The following ADORA2B variants were observed in gnomAD, a reference collection of about 807,000 sequenced individuals.
The protein encoded by ADORA2B is adenosine A2b receptor, also known as adenosine receptor A2b.
Under a neutral mutation model 20.8 loss-of-function variants are expected in ADORA2B, and 18 were observed. The observed-to-expected ratio is 0.87, with a 90% CI of 0.60 to 1.29. The LOEUF is 1.29. ADORA2B is among the 50% of genes most tolerant of loss of function. The pLI is 0.00. For synonymous variants in ADORA2B, 179 were observed against 178.3 expected, an observed-to-expected ratio of 1.00 and a Z score of -0.03; for missense variants, 441 against 422.7, an observed-to-expected ratio of 1.04 and a Z score of -0.38.
At position 15,974,979 on chromosome 17, in the gene ADORA2B, G is replaced by A. The variant is rs1970234187; in HGVS notation, c.636G>A (p.Gln212=). 1 of 1,614,092 alleles carries A rather than the reference G, an allele frequency of 6.2e-7. No individual in the cohort carries two copies. The highest frequency in any genetic ancestry group is 1.3e-5 in the African/African-American group (1 of 74,938). Residue 212 remains glutamine (Q), a synonymous_variant, in exon 2 of 2, where the codon CAG becomes CAA. Transcript: ENST00000304222. The stretch of plus-strand genomic sequence containing the variant: ...AGATCTTCCTGGTGGCCTGCAGGCA[G>A]CTTCAGCGCACTGAGCTGATGGACC... ...YIKIFLVACR[Q]LQRTELMDHS... is the part of the protein sequence containing the mutation.
the ADORA2B span, among the ~76,000 whole-genome samples, chr17:15,927,779 A>T: frequency 6.6e-6 from 1 of 152,184 alleles, no homozygotes; most frequent in East Asian, 1.9e-4. Flanking sequence ...GAAGGAGAGG[A>T]ATCCGGGACG....
At chr17:15,960,350 C>T (rs113653430) in intron 1 of ADORA2B, among the ~76,000 whole-genome samples, 5 of 13,380 alleles carry the variant, frequency 3.7e-4, no homozygotes, top group Non-Finnish European at 3.0e-3. Context: ...GTCAGGAGAT[C>T]GAGACCATCC....
chr17:15,880,801 C>G, the ADORA2B span, among the ~76,000 whole-genome samples: 2 of 152,250 alleles, frequency 1.3e-5, no homozygotes, highest in South Asian at 2.1e-4. Context: ...CCAGGGTTCC[C>G]CTGGACAGAA....
chr17:15,922,685 A>G, the ADORA2B span, among the ~76,000 whole-genome samples: 6,020 of 152,302 alleles, frequency 0.04, 426 homozygotes, highest in African/African-American at 0.14. Flanking sequence ...GCATATGTAT[A>G]TGTTCATGTG....
intron 1 of ADORA2B, among the ~76,000 whole-genome samples, chr17:15,961,967 G>A (rs568913061): frequency 2.0e-5 from 3 of 152,188 alleles, no homozygotes; most frequent in African/African-American, 4.8e-5. Flanking sequence ...CATGAACTTC[G>A]GGGGGCACAT....
At chr17:15,971,875 C>T (rs1356136136) in intron 1 of ADORA2B, among the ~76,000 whole-genome samples, 5 of 152,034 alleles carry the variant, frequency 3.3e-5, no homozygotes, top group East Asian at 3.9e-4. Context: ...TCAAGTGATC[C>T]GCCTGCCTCG....
chr17:15,966,339 G>C (rs910640652), intron 1 of ADORA2B, among the ~76,000 whole-genome samples: 1 of 152,214 alleles, frequency 6.6e-6, no homozygotes, highest in Non-Finnish European at 1.5e-5. Context: ...GGGTTCTGGG[G>C]CTAGTGTTTC....
the ADORA2B span, among the ~76,000 whole-genome samples, chr17:15,921,855 C>T: frequency 6.6e-6 from 1 of 152,192 alleles, no homozygotes; most frequent in Non-Finnish European, 1.5e-5. Context: ...GCCAGAGTTC[C>T]AGTCATCACA....
chr17:15,975,328 G>C lies in ADORA2B; in HGVS notation c.985G>C (p.Gly329Arg). Residue 329 changes from glycine (G) to arginine (R), a missense_variant, in exon 2 of 2, where the codon GGT (glycine) becomes CGT (arginine). By Grantham distance (125) the Gly-to-Arg change is moderately radical. Coordinates refer to ENST00000304222, the MANE Select transcript of ADORA2B (RefSeq NM_000676.4). ...NGQAGVQPALGVGL is the reference protein window; with the variant it reads ...NGQAGVQPALRVGL ...TCAGGCTGGGGTACAGCCTGCTCTC[G>C]GTGTGGGCCTATGATCTAGGCTCTC... The C allele has an allele frequency of 1.2e-6, 2 of 1,611,418 alleles. No individual in the cohort carries two copies. Among genetic ancestry groups the C allele is most frequent in the Non-Finnish European group, 1.7e-6 (2 of 1,179,668 alleles).
the ADORA2B span, among the ~76,000 whole-genome samples, chr17:15,888,339 C>T: frequency 5.3e-4 from 68 of 129,022 alleles, 11 homozygotes; most frequent in Admixed American, 1.8e-3. Context: ...ACTGTGGGGT[C>T]GCCATCTCTC....
chr17:15,891,845 CTTTT>C, the ADORA2B span, among the ~76,000 whole-genome samples: 5 of 107,840 alleles, frequency 4.6e-5, no homozygotes, highest in African/African-American at 4.1e-5. Context: ...CAATGCCCAG[CTTTT>C]TTTTTTTTTT....
the ADORA2B span, among the ~76,000 whole-genome samples, chr17:15,916,980 T>A: frequency 1.3e-5 from 2 of 152,218 alleles, no homozygotes; most frequent in Non-Finnish European, 2.9e-5. Context: ...TGCTCCACCA[T>A]CGGCCACCTG....
the ADORA2B span, among the ~76,000 whole-genome samples, chr17:15,862,166 A>C: frequency 1.1e-4 from 17 of 149,942 alleles, no homozygotes; most frequent in African/African-American, 4.2e-4. Flanking sequence ...CAGCATTGAC[A>C]GCTCCCTTCT....
At chr17:15,948,218 G>A (rs774703543) in intron 1 of ADORA2B, among the ~76,000 whole-genome samples, 1 of 113,592 alleles carries the variant, frequency 8.8e-6, no homozygotes, top group Non-Finnish European at 2.0e-5. Context: ...CCACCGCATT[G>A]CCAAGGTGTT....
At chr17:15,905,519 A>G in the ADORA2B span, among the ~76,000 whole-genome samples, 1 of 150,444 alleles carries the variant, frequency 6.6e-6, no homozygotes, top group Non-Finnish European at 1.5e-5. Context: ...AGCTAGGACT[A>G]TAGGTGCACG....
the ADORA2B span, among the ~76,000 whole-genome samples, chr17:15,915,072 C>T: frequency 6.6e-6 from 1 of 152,210 alleles, no homozygotes; most frequent in South Asian, 2.1e-4. Flanking sequence ...TGCAGCATAG[C>T]CTCACTGTGT....
chr17:15,924,863 CTTTCTTTCTTTT>C, the ADORA2B span, among the ~76,000 whole-genome samples: 11 of 151,132 alleles, frequency 7.3e-5, no homozygotes, highest in South Asian at 2.1e-4. Flanking sequence ...TTCTTTCTTT[CTTTCTTTCTTTT>C]TTTTTTTAAA....
chr17:15,891,171 C>T, the ADORA2B span, among the ~76,000 whole-genome samples: 1 of 152,172 alleles, frequency 6.6e-6, no homozygotes, highest in Non-Finnish European at 1.5e-5. Flanking sequence ...GAGGCTGAGG[C>T]AGGAGAATCG....
At chr17:15,952,899 C>T (rs767339661) in intron 1 of ADORA2B, among the ~76,000 whole-genome samples, 24 of 152,232 alleles carry the variant, frequency 1.6e-4, no homozygotes, top group Admixed American at 6.5e-5. Flanking sequence ...TCTTGGACTC[C>T]GAGGCTAACC....
Sources: gnomAD v4.1 joint callset for allele counts (sites outside exome capture counted in the v4.1 genomes callset) on GRCh38, gnomAD v4.1.1 for gene constraint, MANE v1.5 for transcripts, NCBI Gene and HGNC (gene_info 2026-07-23, HGNC 2026-07-21) for gene names.